Variants in CCSER1 observed in about 807,000 individuals in gnomAD.
The protein encoded by CCSER1 is coiled-coil serine rich protein 1.
A neutral mutation model predicts 82.0 loss-of-function variants in CCSER1; 41 were observed. That is an observed-to-expected ratio of 0.50 (90% confidence interval 0.39 to 0.65). The LOEUF (loss-of-function observed/expected upper bound fraction) is 0.65. Ranked by LOEUF, CCSER1 falls within the 30% of genes least tolerant of loss-of-function variation. CCSER1 has a pLI of 0.00. For missense variants in CCSER1, 1,119 were observed against 1,064.2 expected (o/e 1.05, Z -0.72); for synonymous variants, 414 against 383.9 (o/e 1.08, Z -0.92).
intron 8 of CCSER1, among the ~76,000 whole-genome samples, chr4:90,878,209 A>G (rs745816829): frequency 3.3e-5 from 5 of 152,160 alleles, no homozygotes; most frequent in Non-Finnish European, 7.4e-5. Flanking sequence ...CATAACATAG[A>G]CCATGCTATC....
intron 8 of CCSER1, among the ~76,000 whole-genome samples, chr4:90,916,493 C>T (rs1025734667): frequency 2.0e-5 from 3 of 152,090 alleles, no homozygotes; most frequent in Admixed American, 1.3e-4. Flanking sequence ...CCCTTCCTTA[C>T]ACCTTATACA....
intron 10 of CCSER1, among the ~76,000 whole-genome samples, chr4:91,565,638 G>A (rs1439740416): frequency 1.3e-5 from 2 of 151,810 alleles, no homozygotes; most frequent in Non-Finnish European, 2.9e-5. Flanking sequence ...TGTAGTCCTA[G>A]GTGTTTTATT....
chr4:90,291,558 T>C (rs1445259804), intron 1 of CCSER1, among the ~76,000 whole-genome samples: 1 of 152,040 alleles, frequency 6.6e-6, no homozygotes, highest in African/African-American at 2.4e-5. Context: ...AGTTTAGTCA[T>C]TCCTGATAGT....
intron 9 of CCSER1, among the ~76,000 whole-genome samples, chr4:91,023,107 A>T (rs1740157932): frequency 6.6e-6 from 1 of 152,188 alleles, no homozygotes; most frequent in South Asian, 2.1e-4. Flanking sequence ...AAGGGACGTG[A>T]AGGACCTCTT....
At chr4:90,215,472 G>T (rs1376847784) in intron 1 of CCSER1, among the ~76,000 whole-genome samples, 2 of 152,114 alleles carry the variant, frequency 1.3e-5, no homozygotes, top group South Asian at 2.1e-4. Flanking sequence ...CAAGTTTAAT[G>T]AGGGGTGAGT....
chr4:90,760,893 G>GGTAATAGAGAA (rs1750318800), intron 7 of CCSER1, among the ~76,000 whole-genome samples: 1 of 152,002 alleles, frequency 6.6e-6, no homozygotes, highest in Non-Finnish European at 1.5e-5. Flanking sequence ...CTCATAGTGT[G>GGTAATAGAGAA]GTAATAGAGA....
intron 10 of CCSER1, among the ~76,000 whole-genome samples, chr4:91,532,654 GGCAGAA>G (rs1761093777): frequency 6.6e-6 from 1 of 152,070 alleles, no homozygotes; most frequent in Admixed American, 6.6e-5. Context: ...CACTTTGGGA[GGCAGAA>G]GCAGAAGGAT....
chr4:90,475,374 A>C (rs1295243064), intron 5 of CCSER1, among the ~76,000 whole-genome samples: 1 of 152,200 alleles, frequency 6.6e-6, no homozygotes, highest in Non-Finnish European at 1.5e-5. Flanking sequence ...CAAGGGTGGA[A>C]GCAGCATCTG....
At chr4:90,233,951 A>G (rs1399732711) in intron 1 of CCSER1, among the ~76,000 whole-genome samples, 2 of 152,190 alleles carry the variant, frequency 1.3e-5, no homozygotes, top group Admixed American at 1.3e-4. Context: ...ATGTGCTGAA[A>G]TTTACTTCTT....
intron 9 of CCSER1, among the ~76,000 whole-genome samples, chr4:90,978,351 G>A (rs554827865): frequency 6.6e-6 from 1 of 151,706 alleles, no homozygotes; most frequent in South Asian, 2.1e-4. Context: ...TGAATGTATG[G>A]AAAGCACTCA....
chr4:91,604,939 T>G lies in CCSER1; in HGVS notation c.*5882T>G, dbSNP rs1764911892. On this transcript the variant is annotated 3_prime_UTR_variant, in exon 11 of 11. Transcript: ENST00000509176. Reference sequence around the variant, plus strand: ...AAAGAATGCAAGAGAATTGATTATCTTAGTTAGACCCCATTTTTAAGGAAA... The same window carrying G: ...AAAGAATGCAAGAGAATTGATTATCGTAGTTAGACCCCATTTTTAAGGAAA... 1 of 151,970 alleles carries G rather than the reference T, an allele frequency of 6.6e-6. No individual in the cohort carries two copies. The highest frequency in any genetic ancestry group is 6.6e-5 in the Admixed American group (1 of 15,230). 9.4% of individuals were successfully genotyped at this position (151,970 alleles called of 1,614,324 possible). A position where few individuals can be genotyped will look rare whatever the true frequency, so the allele number is the denominator to read the frequency against.
At chr4:90,809,980 T>C (rs1388660487) in intron 7 of CCSER1, among the ~76,000 whole-genome samples, 1 of 152,180 alleles carries the variant, frequency 6.6e-6, no homozygotes, top group Non-Finnish European at 1.5e-5. Flanking sequence ...AAACAGGTAT[T>C]ATGTTTTCTC....
chr4:90,587,750 A>T (rs1363348117), intron 5 of CCSER1, among the ~76,000 whole-genome samples: 1 of 152,172 alleles, frequency 6.6e-6, no homozygotes, highest in Admixed American at 6.5e-5. Flanking sequence ...TCATTTCCTT[A>T]GATTATTTTG....
intron 10 of CCSER1, among the ~76,000 whole-genome samples, chr4:91,156,663 AG>A (rs1730847490): frequency 6.6e-6 from 1 of 151,866 alleles, no homozygotes; most frequent in Non-Finnish European, 1.5e-5. Flanking sequence ...CATAAATAAA[AG>A]CTGTAAAACA....
At chr4:91,205,304 G>A (rs1448929410) in intron 10 of CCSER1, among the ~76,000 whole-genome samples, 2 of 151,674 alleles carry the variant, frequency 1.3e-5, no homozygotes, top group African/African-American at 4.8e-5. Flanking sequence ...CACACACATT[G>A]TTTCAGGACG....
chr4:90,386,865 A>G (rs559148639), intron 3 of CCSER1, among the ~76,000 whole-genome samples: 110 of 152,256 alleles, frequency 7.2e-4, no homozygotes, highest in African/African-American at 2.1e-3. Flanking sequence ...TTCTCGGCCC[A>G]CCTAATGTAA....
At position 90,360,381 on chromosome 4, in the gene CCSER1, T is replaced by A. The variant is rs1374289650; in HGVS notation, c.1510-39655T>A. On this transcript the variant is annotated intron_variant, in intron 3 of 10. Coordinates refer to ENST00000509176, the MANE Select transcript of CCSER1 (RefSeq NM_001145065.2). Reference sequence around the variant, plus strand: ...GTGTCTACTAAAAATAAAAAAAAAATTAGCCGGGTGTGGTGGTGGGTGCCT... The same window carrying A: ...GTGTCTACTAAAAATAAAAAAAAAAATAGCCGGGTGTGGTGGTGGGTGCCT... Among the ~76,000 whole-genome samples, 28 of 140,928 alleles carry A rather than the reference T, an allele frequency of 2.0e-4. No individual in the cohort carries two copies. In the East Asian group the frequency reaches 5.0e-3, roughly 25 times the overall value. The allele number at this position is 140,928 out of a possible 152,430, so 92.5% of individuals were successfully genotyped here. A position where few individuals can be genotyped will look rare whatever the true frequency, so the allele number is the denominator to read the frequency against.
chr4:90,551,678 TTC>T (rs71596530), intron 5 of CCSER1, among the ~76,000 whole-genome samples: 2,860 of 88,530 alleles, frequency 0.032, 166 homozygotes, highest in African/African-American at 0.12. Flanking sequence ...AAAAATATAA[TTC>T]TCTCTCTCTC....
chr4:90,664,109 A>T (rs745688824), intron 6 of CCSER1, among the ~76,000 whole-genome samples: 5 of 152,216 alleles, frequency 3.3e-5, no homozygotes, highest in Non-Finnish European at 5.9e-5. Flanking sequence ...CATGTATGAG[A>T]CCGGCTTTTA....
Sources: gnomAD v4.1 joint callset for allele counts (sites outside exome capture counted in the v4.1 genomes callset) on GRCh38, gnomAD v4.1.1 for gene constraint, MANE v1.5 for transcripts, NCBI Gene and HGNC (gene_info 2026-07-23, HGNC 2026-07-21) for gene names.